XPO5: variants seen among roughly 807,000 people sequenced by gnomAD.
XPO5 encodes exportin-5.
Under a neutral mutation model 160.6 loss-of-function variants are expected in XPO5, and 46 were observed. The ratio of observed to expected loss-of-function variants is 0.29; its 90% CI spans 0.23 to 0.37. The LOEUF (loss-of-function observed/expected upper bound fraction) is 0.37. XPO5 is among the 10% of genes least tolerant of loss of function. The probability of loss-of-function intolerance (pLI) is 1.00; values close to 1 mark genes in which losing one functional copy is unlikely to be tolerated. For synonymous variants in XPO5, 537 were observed against 519.3 expected, an observed-to-expected ratio of 1.03 and a Z score of -0.46; for missense variants, 1,090 against 1,463.9, an observed-to-expected ratio of 0.74 and a Z score of 4.17.
In XPO5 at chr6:43,524,813, C is replaced by CAT. The variant is rs147469883; in HGVS notation, c.3312+16_3312+17dup. 1.6e-3 allele frequency: 2,582 copies of CAT among 1,612,486 alleles called. 31 individuals are homozygous for CAT. In the African/African-American group the frequency reaches 0.03, roughly 19 times the overall value. ...GATGAAGCTGCAGCCATCCTTCCCC[C>CAT]ATGCCTTCCCCACTCACCAGTGCCT... On this transcript the variant is annotated intron_variant, in intron 30 of 31. Coordinates refer to ENST00000265351, the MANE Select transcript of XPO5 (RefSeq NM_020750.3).
intron 13 of XPO5, 28 bp downstream of exon 13, chr6:43,555,808 C>T (rs1762049877): frequency 1.9e-6 from 3 of 1,613,204 alleles, no homozygotes; most frequent in Non-Finnish European, 2.5e-6. Flanking sequence ...TAACATTTCA[C>T]TAACATTCAG....
chr6:43,557,192 C>T (rs981306573), intron 12 of XPO5, among the ~76,000 whole-genome samples: 4 of 148,182 alleles, frequency 2.7e-5, no homozygotes, highest in South Asian at 2.1e-4. Flanking sequence ...TTTGGGAAGC[C>T]GAGGCGGGTG....
intron 20 of XPO5, among the ~76,000 whole-genome samples, chr6:43,545,966 C>G (rs1794946265): frequency 6.6e-6 from 1 of 152,056 alleles, no homozygotes; most frequent in South Asian, 2.1e-4. Flanking sequence ...AATGCAGATT[C>G]TGATTTAGTA....
intron 20 of XPO5, among the ~76,000 whole-genome samples, chr6:43,543,460 A>C (rs543373042): frequency 3.5e-4 from 54 of 152,240 alleles, no homozygotes; most frequent in Non-Finnish European, 5.3e-4. Context: ...CTCAAAAGTA[A>C]GTAAGTAAGT....
intron 27 of XPO5, chr6:43,526,342 C>CTTCAT: frequency 2.5e-6 from 1 of 395,852 alleles, no homozygotes; most frequent in Non-Finnish European, 4.7e-6. Flanking sequence ...GTGACAACTG[C>CTTCAT]TATGAAGAAG....
Position 43,570,970 on chromosome 6 carries a change from C to T in XPO5, c.325G>A (p.Glu109Lys), listed in dbSNP as rs1374802307. Residue 109 changes from glutamate (E) to lysine (K), a missense_variant, in exon 4 of 32, where the codon GAG becomes AAG. This residue lies in a region of XPO5 where 170 missense variants were observed against 227.0 expected (regional missense o/e 0.75). Transcript: ENST00000265351. Reference protein sequence around the residue: ...ANGTLNILEEENHIKDALSRI... With the variant: ...ANGTLNILEEKNHIKDALSRI... ...GACAGAGCATCTTTAATATGGTTCT[C>T]CTCTTCCAAAATGTTCAATGTTCCC... 1 of 1,612,654 alleles carries T rather than the reference C, an allele frequency of 6.2e-7. No individual in the cohort carries two copies. The highest frequency in any genetic ancestry group is 8.5e-7 in the Non-Finnish European group (1 of 1,179,496).
At position 43,531,714 on chromosome 6, in the gene XPO5, G is replaced by A. The variant is rs549619111; in HGVS notation, c.2444-139C>T. The A allele has an allele frequency of 7.1e-4, 508 of 712,964 alleles. 3 individuals carry two copies. Among genetic ancestry groups the A allele is most frequent in the South Asian group, 1.0e-3 (60 of 59,080 alleles). The allele number at this position is 712,964 out of a possible 1,614,324, so 44.2% of individuals were successfully genotyped here. On this transcript the variant is annotated intron_variant, in intron 21 of 31. Coordinates refer to ENST00000265351, the MANE Select transcript of XPO5 (RefSeq NM_020750.3). ...GCTGTACTGCAAAGCAGTTGGCTACGTGATTTGCTGCACTCTTTTGGTAGG... is the reference window on the plus strand; with the variant it reads ...GCTGTACTGCAAAGCAGTTGGCTACATGATTTGCTGCACTCTTTTGGTAGG...
rs1382199035 is a variant in XPO5, at chr6:43,523,486, C to G, written c.*382G>C. On this transcript the variant is annotated 3_prime_UTR_variant, in exon 32 of 32. Coordinates refer to ENST00000265351, the MANE Select transcript of XPO5 (RefSeq NM_020750.3). Reference sequence around the variant, plus strand: ...TTGAGGGCTGTGCTCTTGCTGCGAGCCTTGCTAGTCGCAGGGTTGGGCACA... The same window carrying G: ...TTGAGGGCTGTGCTCTTGCTGCGAGGCTTGCTAGTCGCAGGGTTGGGCACA... The G allele has an allele frequency of 2.7e-6, 1 of 375,500 alleles. No homozygotes were observed. The highest frequency in any genetic ancestry group is 5.2e-6 in the Non-Finnish European group (1 of 190,892). 23.3% of individuals were successfully genotyped at this position (375,500 alleles called of 1,614,324 possible).
Position 43,558,602 on chromosome 6 carries a change from A to G in XPO5, c.1222-11T>C. The G allele has an allele frequency of 6.4e-7, 1 of 1,569,544 alleles. No individual in the cohort carries two copies. The highest frequency in any genetic ancestry group is 1.2e-5 in the South Asian group (1 of 83,964). On this transcript the variant is annotated splice_polypyrimidine_tract_variant and intron_variant, in intron 11 of 31. Transcript: ENST00000265351. ...AGAAGGAAAGCCCATCTGGAAAAAGAAAGGTAATTGGGGTAGGGGATGAAA... is the reference window on the plus strand; with the variant it reads ...AGAAGGAAAGCCCATCTGGAAAAAGGAAGGTAATTGGGGTAGGGGATGAAA...
rs1479569075 is a variant in XPO5 at position 43,550,986 on chromosome 6, G to T, written c.1728+312C>A. The T allele has an allele frequency of 1.1e-4, 21 of 188,594 alleles. No individual in the cohort carries two copies. In the East Asian group the frequency reaches 2.7e-3, roughly 24 times the overall value. The allele number at this position is 188,594 out of a possible 1,614,324, so 11.7% of individuals were successfully genotyped here. On this transcript the variant is annotated intron_variant, in intron 15 of 31. Transcript: ENST00000265351. ...TTCCCAGAGTGTTCCTAAAGAGTGA[G>T]GCACTAGCATGGTACCTGATCCACA...
At chr6:43,572,895 C>A (rs778045407) in intron 2 of XPO5, among the ~76,000 whole-genome samples, 2 of 152,188 alleles carry the variant, frequency 1.3e-5, no homozygotes, top group Non-Finnish European at 2.9e-5. Flanking sequence ...TCAACTGCAA[C>A]AATGTACTTG....
intron 13 of XPO5, chr6:43,553,814 T>A: frequency 4.7e-6 from 1 of 212,700 alleles, no homozygotes; most frequent in Non-Finnish European, 8.8e-6. Context: ...CAGGTGAACA[T>A]CAAAAACATT....
intron 29 of XPO5, 29 bp downstream of exon 29, chr6:43,525,078 G>T: frequency 6.4e-7 from 1 of 1,570,218 alleles, no homozygotes; most frequent in East Asian, 2.3e-5. Flanking sequence ...CTTCCATGAG[G>T]GGCAGGGAAA....
chr6:43,543,826 G>A lies in XPO5; in HGVS notation c.2342+2745C>T, dbSNP rs914189728. Among the ~76,000 whole-genome samples the A allele has an allele frequency of 4.0e-4, 61 of 151,992 alleles. 1 individual carries two copies. Among genetic ancestry groups the A allele is most frequent in the African/African-American group, 1.4e-3 (58 of 41,468 alleles). On this transcript the variant is annotated intron_variant, in intron 20 of 31. Transcript: ENST00000265351. ...CGAGTAGCTGGGATTACAGGCGCCC[G>A]CCACCATGCCTGGCTAATTTTTGTA...
At chr6:43,527,178 A>G in intron 26 of XPO5, 1 of 212,410 alleles carries the variant, frequency 4.7e-6, no homozygotes, top group Non-Finnish European at 9.7e-6. Flanking sequence ...GTTTCCCCAT[A>G]TTCAGCTTGC....
intron 6 of XPO5, among the ~76,000 whole-genome samples, chr6:43,568,415 C>A (rs193092538): frequency 2.6e-5 from 4 of 151,832 alleles, no homozygotes; most frequent in African/African-American, 9.7e-5. Context: ...GGTTTGACAC[C>A]GGCCTAGGCA....
chr6:43,554,068 C>CAA (rs1761882795), intron 13 of XPO5, among the ~76,000 whole-genome samples: 2 of 152,174 alleles, frequency 1.3e-5, no homozygotes. Flanking sequence ...GCACAGCACT[C>CAA]AAATAGCAAG....
chr6:43,574,027 A>G (rs1448876895), intron 1 of XPO5, among the ~76,000 whole-genome samples: 1 of 151,952 alleles, frequency 6.6e-6, no homozygotes, highest in Non-Finnish European at 1.5e-5. Flanking sequence ...ACAAGGTTTC[A>G]TCATGTTGAC....
intron 9 of XPO5, 46 bp from the exon 10 acceptor site, chr6:43,561,053 A>T (rs1318466023): frequency 2.0e-6 from 3 of 1,478,680 alleles, no homozygotes; most frequent in Admixed American, 1.7e-5. Context: ...CGAGAAAAGC[A>T]GGAGAGGAAA....
Sources: gnomAD v4.1 joint callset for allele counts (sites outside exome capture counted in the v4.1 genomes callset) on GRCh38, gnomAD v4.1.1 for gene constraint, gnomAD v4.1.1 regional missense constraint, MANE v1.5 for transcripts, NCBI Gene and HGNC (gene_info 2026-07-23, HGNC 2026-07-21) for gene names.